The following DMD variants were observed in gnomAD, a reference collection of about 807,000 sequenced individuals.
DMD encodes dystrophin, also known as mutant dystrophin.
In DMD, 63 loss-of-function variants were observed where a neutral mutation model predicts 330.1. The ratio of observed to expected loss-of-function variants is 0.19; its 90% confidence interval spans 0.16 to 0.24. DMD has a LOEUF of 0.24. DMD is among the 10% of genes least tolerant of loss of function. The probability of loss-of-function intolerance (pLI) is 1.00; values close to 1 mark genes in which losing one functional copy is unlikely to be tolerated. For synonymous variants in DMD, 1,223 were observed against 959.8 expected (o/e 1.27, Z -5.07); for missense variants, 3,344 against 2,684.1 (o/e 1.25, Z -5.43).
chrX:31,174,491 A>C (rs1438672080), intron 71 of DMD, among the ~76,000 whole-genome samples: 3 of 111,538 alleles, frequency 2.7e-5, no homozygotes, highest in East Asian at 5.6e-4. Flanking sequence ...AGGAAAAAAA[A>C]CCATCTGTTC....
intron 2 of DMD, among the ~76,000 whole-genome samples, chrX:33,008,688 C>A (rs1429427165): frequency 1.9e-5 from 2 of 107,862 alleles, no homozygotes; most frequent in African/African-American, 6.7e-5. Context: ...TATCTTTATT[C>A]ATCACCTATC....
chrX:32,489,253 T>C (rs777447093), intron 20 of DMD, among the ~76,000 whole-genome samples: 2 of 110,641 alleles, frequency 1.8e-5, no homozygotes, highest in Non-Finnish European at 3.8e-5. Context: ...AATTCACATG[T>C]TGAAGTCCTA....
At chrX:31,952,151 C>A (rs2095189469) in intron 45 of DMD, among the ~76,000 whole-genome samples, 1 of 111,011 alleles carries the variant, frequency 9.0e-6, no homozygotes, top group African/African-American at 3.3e-5. Flanking sequence ...TCAATAATTT[C>A]AAATGAAACT....
intron 1 of DMD, among the ~76,000 whole-genome samples, chrX:33,146,986 C>T (rs1370891087): frequency 9.1e-6 from 1 of 110,102 alleles, no homozygotes; most frequent in Non-Finnish European, 1.9e-5. Context: ...CTACACCTGG[C>T]TAATTTTTTT....
At chrX:32,773,496 T>C (rs1266783891) in intron 7 of DMD, among the ~76,000 whole-genome samples, 1 of 100,609 alleles carries the variant, frequency 9.9e-6, no homozygotes, top group Non-Finnish European at 2.0e-5. Flanking sequence ...TGATTCCTTC[T>C]ATCTAACTAT....
intron 37 of DMD, among the ~76,000 whole-genome samples, chrX:32,356,379 TAAAAAAAAAA>T (rs71888370): frequency 9.5e-5 from 5 of 52,740 alleles, no homozygotes; most frequent in African/African-American, 1.9e-4. Flanking sequence ...TGAATGGAAG[TAAAAAAAAAA>T]AAAAAAAAAA....
chrX:31,751,297 CCTG>C (rs1474597365), intron 51 of DMD, among the ~76,000 whole-genome samples: 2 of 111,282 alleles, frequency 1.8e-5, no homozygotes, highest in Non-Finnish European at 1.9e-5. Flanking sequence ...TAAGTCTAGC[CCTG>C]TCCACATGTC....
intron 7 of DMD, among the ~76,000 whole-genome samples, chrX:32,801,797 T>G (rs1424275633): frequency 9.0e-6 from 1 of 111,632 alleles, no homozygotes; most frequent in Admixed American, 9.5e-5. Flanking sequence ...TTTGGCAGGT[T>G]TGTCAAAGAT....
At chrX:32,967,144 T>C (rs1016607727) in intron 2 of DMD, among the ~76,000 whole-genome samples, 1 of 111,804 alleles carries the variant, frequency 8.9e-6, no homozygotes, top group African/African-American at 3.2e-5. Context: ...ACCAGGAACA[T>C]AGGAGCCCCT....
chrX:32,350,436 T>A (rs775317296), intron 37 of DMD, among the ~76,000 whole-genome samples: 2 of 111,125 alleles, frequency 1.8e-5, no homozygotes, highest in South Asian at 7.5e-4. Context: ...GTTCTCTTAA[T>A]GGAAGACCAT....
Position 32,709,341 on chromosome X carries a change from A to G in DMD, c.650-10048T>C, listed in dbSNP as rs189981959. 6.2e-5 allele frequency among the ~76,000 whole-genome samples: 7 copies of G among 112,421 alleles called. No homozygotes were observed. The Admixed American group carries it at 6.6e-4, about 11-fold the overall frequency. On this transcript the variant is annotated intron_variant, in intron 7 of 78. Coordinates refer to ENST00000357033, the MANE Select transcript of DMD (RefSeq NM_004006.3). ...CACAAATATGATGATGATAAGGGAT[A>G]ACTTTATAAAAGAGAATGTAATAAA...
chrX:32,511,938 A>C (rs1041048839), intron 18 of DMD, among the ~76,000 whole-genome samples: 2 of 112,033 alleles, frequency 1.8e-5, no homozygotes, highest in African/African-American at 3.2e-5. Flanking sequence ...ACATAATTTC[A>C]AGTAAAGTAT....
chrX:31,569,874 C>G (rs1488527576), intron 55 of DMD, among the ~76,000 whole-genome samples: 1 of 109,717 alleles, frequency 9.1e-6, no homozygotes, highest in Non-Finnish European at 1.9e-5. Flanking sequence ...CATTATTTTA[C>G]TTACAAAAGG....
chrX:31,314,742 CAGAGAGAGAGAGAG>C (rs199994602), intron 62 of DMD, among the ~76,000 whole-genome samples: 13 of 55,282 alleles, frequency 2.4e-4, no homozygotes, highest in African/African-American at 1.0e-3. Context: ...AATACATACA[CAGAGAGAGAGAGAG>C]AGAGAGAGAG....
intron 44 of DMD, among the ~76,000 whole-genome samples, chrX:32,196,986 C>CAAAAAAAAAAAAAAAA (rs71872245): frequency 2.0e-5 from 1 of 49,627 alleles, no homozygotes; most frequent in African/African-American, 9.7e-5. Flanking sequence ...GACTCCATCT[C>CAAAAAAAAAAAAAAAA]AAAAAAAAAA....
intron 1 of DMD, among the ~76,000 whole-genome samples, chrX:33,117,432 C>G (rs1357388874): frequency 9.0e-6 from 1 of 111,476 alleles, no homozygotes; most frequent in Non-Finnish European, 1.9e-5. Context: ...TTGTGATAAT[C>G]ATTTCAGAAT....
intron 2 of DMD, among the ~76,000 whole-genome samples, chrX:33,009,806 A>G (rs867832243): frequency 2.6e-4 from 6 of 23,369 alleles, no homozygotes; most frequent in Non-Finnish European, 5.3e-4. Flanking sequence ...GTATATGTGT[A>G]TATACACACA....
In DMD at chrX:32,758,476, T is replaced by C. The variant is rs769154863; in HGVS notation, c.649+51017A>G. On this transcript the variant is annotated intron_variant, in intron 7 of 78. Transcript: ENST00000357033. ...TCAAAGTTCAGCATTCTCCTACTCA[T>C]CCAAATGAACACAGTAGTCATGTTT... Among the ~76,000 whole-genome samples, 11 of 111,299 alleles carry C rather than the reference T, an allele frequency of 9.9e-5. No individual in the cohort carries two copies. In the South Asian group the frequency reaches 4.2e-3, roughly 43 times the overall value.
At chrX:32,539,601 AT>A (rs1334640838) in intron 17 of DMD, among the ~76,000 whole-genome samples, 2 of 111,421 alleles carry the variant, frequency 1.8e-5, no homozygotes, top group East Asian at 5.6e-4. Context: ...CAACTTTCAG[AT>A]TTTAGTTTAG....
Sources: allele counts gnomAD v4.1 joint callset (sites outside exome capture counted in the v4.1 genomes callset), GRCh38; gene constraint gnomAD v4.1.1; transcripts MANE v1.5; gene names NCBI Gene and HGNC (gene_info 2026-07-23, HGNC 2026-07-21).